FIBCD1: variants seen among roughly 807,000 people sequenced by gnomAD.
The protein encoded by FIBCD1 is fibrinogen C domain-containing protein 1.
FIBCD1 carries 47 observed loss-of-function variants against 45.1 expected under a neutral mutation model. That is an observed-to-expected ratio of 1.04 (90% CI 0.82 to 1.33). The LOEUF (loss-of-function observed/expected upper bound fraction) is 1.33, where lower values mean the gene tolerates loss of function less well. FIBCD1 is among the 40% of genes most tolerant of loss of function. The pLI, the probability that FIBCD1 is intolerant of heterozygous loss-of-function variation, is 0.00. For missense variants in FIBCD1, 653 were observed against 682.2 expected, an observed-to-expected ratio of 0.96 and a Z score of 0.48; for synonymous variants, 313 against 308.1, an observed-to-expected ratio of 1.02 and a Z score of -0.17.
chr9:130,939,844 T>G (rs1832589965), upstream of FIBCD1, among the ~76,000 whole-genome samples: 1 of 151,784 alleles, frequency 6.6e-6, no homozygotes, highest in South Asian at 2.1e-4. Flanking sequence ...GTCCTTAATC[T>G]GCGCGGCGAA....
chr9:130,915,743 G>A (rs1342064073), intron 4 of FIBCD1, among the ~76,000 whole-genome samples: 8 of 152,154 alleles, frequency 5.3e-5, no homozygotes, highest in Non-Finnish European at 8.8e-5. Flanking sequence ...GTCGGCCAAC[G>A]TGGGCACTTT....
intron 5 of FIBCD1, among the ~76,000 whole-genome samples, chr9:130,910,431 C>G (rs910199701): frequency 2.0e-5 from 3 of 152,226 alleles, no homozygotes; most frequent in Non-Finnish European, 2.9e-5. Context: ...CTGTGCGGCC[C>G]GAGCCTCCCT....
chr9:130,928,258 G>A lies in FIBCD1; in HGVS notation c.552+1309C>T, dbSNP rs538024372. Among the ~76,000 whole-genome samples the A allele has an allele frequency of 1.1e-3, 160 of 152,316 alleles. 3 individuals are homozygous for A. The highest frequency in any genetic ancestry group is 2.1e-3 in the East Asian group (11 of 5,188). ...TCTTGTGGGAATACTCTGTACCTCT[G>A]CGCAGGCTATTGGGAGGGCAGGACT... On this transcript the variant is annotated intron_variant, in intron 2 of 6. Transcript: ENST00000372338.
At chr9:130,914,398 C>A (rs987165788) in intron 4 of FIBCD1, among the ~76,000 whole-genome samples, 8 of 152,228 alleles carry the variant, frequency 5.3e-5, no homozygotes, top group Admixed American at 5.2e-4. Context: ...GGACCCCAAC[C>A]GTGCAAGAGG....
intron 1 of FIBCD1, among the ~76,000 whole-genome samples, chr9:130,930,435 T>TGGGGAGACAC (rs199580520): frequency 1.4e-5 from 2 of 142,990 alleles, no homozygotes; most frequent in Admixed American, 6.9e-5. Flanking sequence ...CGGGGAGACA[T>TGGGGAGACAC]GGGGAGATGC....
At chr9:130,910,045 C>G (rs370998110) in intron 5 of FIBCD1, among the ~76,000 whole-genome samples, 19 of 152,360 alleles carry the variant, frequency 1.2e-4, no homozygotes, top group Admixed American at 3.9e-4. Context: ...TTCAGCCCAC[C>G]GCTGCGCTGT....
At chr9:130,907,225 G>T (rs974978120) in intron 5 of FIBCD1, among the ~76,000 whole-genome samples, 1 of 151,870 alleles carries the variant, frequency 6.6e-6, no homozygotes, top group Non-Finnish European at 1.5e-5. Flanking sequence ...ATTCATGAGC[G>T]GTGTCCCGGG....
At chr9:130,908,600 C>A (rs772178800) in intron 5 of FIBCD1, among the ~76,000 whole-genome samples, 5 of 152,194 alleles carry the variant, frequency 3.3e-5, no homozygotes, top group Admixed American at 6.5e-5. Context: ...AGGCTTGTGA[C>A]AAGGGACCTC....
intron 6 of FIBCD1, among the ~76,000 whole-genome samples, 180 bp from the exon 7 acceptor site, chr9:130,904,503 G>A (rs535920144): frequency 8.5e-5 from 13 of 152,182 alleles, no homozygotes; most frequent in South Asian, 2.1e-4. Flanking sequence ...CTCCACACCC[G>A]GGTGTGTCCA....
chr9:130,911,939 C>T (rs372500939), intron 4 of FIBCD1, 51 bp from the exon 5 acceptor site: 246 of 1,506,652 alleles, frequency 1.6e-4, no homozygotes, highest in Non-Finnish European at 2.1e-4. Flanking sequence ...TCCCAGGACT[C>T]GCAGCCCACC....
At chr9:130,920,639 G>T (rs2133098891) in intron 4 of FIBCD1, among the ~76,000 whole-genome samples, 1 of 152,200 alleles carries the variant, frequency 6.6e-6, no homozygotes, top group South Asian at 2.1e-4. Context: ...TGTGATGGGG[G>T]TGATGATGGG....
Position 130,903,786 on chromosome 9 carries a change from A to G in FIBCD1, c.*278T>C, listed in dbSNP as rs45472696. 0.071 allele frequency: 38,802 copies of G among 550,122 alleles called. 1,564 individuals are homozygous for G. Among genetic ancestry groups the G allele is most frequent in the Middle Eastern group, 0.14 (284 of 2,018 alleles). The allele number at this position is 550,122 out of a possible 1,614,324, so 34.1% of individuals were successfully genotyped here. Reference sequence around the variant, plus strand: ...GGACGGCAAACAGCACCGGAGTCACAGTGGGGGCAGGCAGGAGTTGGGGTC... The same window carrying G: ...GGACGGCAAACAGCACCGGAGTCACGGTGGGGGCAGGCAGGAGTTGGGGTC... On this transcript the variant is annotated 3_prime_UTR_variant, in exon 7 of 7. Transcript: ENST00000372338.
chr9:130,924,479 T>C, intron 2 of FIBCD1, 83 bp from the exon 3 acceptor site: 2 of 1,338,476 alleles, frequency 1.5e-6, no homozygotes, highest in Non-Finnish European at 2.0e-6. Context: ...CTGGCCAGAG[T>C]GGGCCCTCTC....
At chr9:130,917,184 G>C (rs778287139) in intron 4 of FIBCD1, among the ~76,000 whole-genome samples, 3 of 152,132 alleles carry the variant, frequency 2.0e-5, no homozygotes, top group Non-Finnish European at 4.4e-5. Flanking sequence ...AATATGAATT[G>C]GTCCAGCTCC....
chr9:130,930,763 G>A, intron 1 of FIBCD1: 1 of 456,042 alleles, frequency 2.2e-6, no homozygotes, highest in Non-Finnish European at 4.4e-6. Flanking sequence ...CCTTGGGCCA[G>A]GGGCCTCACC....
At position 130,904,244 on chromosome 9, in the gene FIBCD1, G is replaced by A. The variant is rs747726693; in HGVS notation, c.1206C>T (p.Ala402=). ...ACCACCAGGCACCGCGGTAGAAGGC[G>A]GCACAGTTGTTCTCTGAATGGTCGC... ...RDSDHSENNC[A]AFYRGAWWYR... The change falls in exon 7 of 7, where the codon GCC becomes GCT. Residue 402 remains alanine (A), a synonymous_variant. Coordinates refer to ENST00000372338, the MANE Select transcript of FIBCD1 (RefSeq NM_032843.5). The A allele has an allele frequency of 2.1e-5, 34 of 1,613,634 alleles. No individual in the cohort carries two copies. The highest frequency in any genetic ancestry group is 2.5e-5 in the Non-Finnish European group (29 of 1,180,008).
chr9:130,935,624 C>T (rs1197115036), intron 1 of FIBCD1, among the ~76,000 whole-genome samples: 6 of 152,204 alleles, frequency 3.9e-5, no homozygotes, highest in Non-Finnish European at 5.9e-5. Context: ...CCACTCACAG[C>T]GGGTGATTTC....
At chr9:130,913,423 C>T (rs1045541435) in intron 4 of FIBCD1, among the ~76,000 whole-genome samples, 3 of 152,252 alleles carry the variant, frequency 2.0e-5, no homozygotes, top group Non-Finnish European at 2.9e-5. Flanking sequence ...GCCCGGATGC[C>T]CGGTCTGACC....
At chr9:130,910,861 C>T (rs1176621233) in intron 5 of FIBCD1, among the ~76,000 whole-genome samples, 2 of 152,186 alleles carry the variant, frequency 1.3e-5, no homozygotes, top group African/African-American at 2.4e-5. Flanking sequence ...CACACTGTAT[C>T]TAGCTGCTCT....
Sources: allele counts gnomAD v4.1 joint callset (sites outside exome capture counted in the v4.1 genomes callset), GRCh38; gene constraint gnomAD v4.1.1; transcripts MANE v1.5; gene names NCBI Gene and HGNC (gene_info 2026-07-23, HGNC 2026-07-21).